SLC71A1: variants seen among roughly 807,000 people sequenced by gnomAD.
SLC71A1 encodes the protein solute carrier family 71 member 1.
the SLC71A1 span, among the ~76,000 whole-genome samples, chr1:100,051,665 T>C: frequency 1.3e-5 from 2 of 152,218 alleles, no homozygotes; most frequent in Non-Finnish European, 2.9e-5. Flanking sequence ...TTTGGGCTCA[T>C]GACTTTACAT....
At chr1:100,045,299 T>G in the SLC71A1 span, among the ~76,000 whole-genome samples, 33,476 of 152,134 alleles carry the variant, frequency 0.22, 5,084 homozygotes, top group African/African-American at 0.43. Context: ...TTCTCAGCTT[T>G]GTCGTTGCTG....
the SLC71A1 span, among the ~76,000 whole-genome samples, chr1:100,052,775 T>G: frequency 1.3e-4 from 20 of 151,508 alleles, no homozygotes; most frequent in Admixed American, 1.3e-3. Flanking sequence ...TTTCTTTTTT[T>G]TTTTATTTTG....
chr1:100,052,083 C>G, the SLC71A1 span, among the ~76,000 whole-genome samples: 1 of 152,142 alleles, frequency 6.6e-6, no homozygotes, highest in African/African-American at 2.4e-5. Flanking sequence ...CAGGTAGTAA[C>G]TTGTTTGTAC....
the SLC71A1 span, chr1:100,068,142 C>A: frequency 1.2e-6 from 2 of 1,614,148 alleles, no homozygotes; most frequent in Non-Finnish European, 1.7e-6. Flanking sequence ...TGAGAAAATG[C>A]GGCCAGCATC....
chr1:100,082,426 G>T, the SLC71A1 span: 3 of 547,682 alleles, frequency 5.5e-6, no homozygotes, highest in Non-Finnish European at 9.8e-6. Flanking sequence ...TTGTTTATTA[G>T]CACCAATTTC....
chr1:100,078,435 G>T, the SLC71A1 span: 1 of 1,548,162 alleles, frequency 6.5e-7, no homozygotes, highest in Admixed American at 1.7e-5. Context: ...TTTTTGTTTT[G>T]CTGCTCTCCT....
the SLC71A1 span, among the ~76,000 whole-genome samples, chr1:100,076,149 A>G: frequency 6.6e-6 from 1 of 152,186 alleles, no homozygotes; most frequent in Non-Finnish European, 1.5e-5. Flanking sequence ...TTGCTCAAAA[A>G]TCCTTGAATG....
the SLC71A1 span, among the ~76,000 whole-genome samples, chr1:100,048,671 T>G: frequency 6.6e-6 from 1 of 152,224 alleles, no homozygotes; most frequent in East Asian, 1.9e-4. Flanking sequence ...ACTATTTTCC[T>G]GTGCCTCCTA....
At chr1:100,070,346 G>GA in the SLC71A1 span, among the ~76,000 whole-genome samples, 3 of 152,204 alleles carry the variant, frequency 2.0e-5, no homozygotes, top group Non-Finnish European at 4.4e-5. Flanking sequence ...GCTTGTGTAA[G>GA]AAACAACAGG....
At chr1:100,078,250 C>G in the SLC71A1 span, among the ~76,000 whole-genome samples, 1 of 152,254 alleles carries the variant, frequency 6.6e-6, no homozygotes. Flanking sequence ...TACACCCTCA[C>G]AGCACTCTTG....
chr1:100,038,897 C>T, the SLC71A1 span, among the ~76,000 whole-genome samples: 2 of 152,380 alleles, frequency 1.3e-5, no homozygotes, highest in African/African-American at 4.8e-5. Flanking sequence ...GCTTCCCTCA[C>T]TTCCCGGAGT....
At chr1:100,047,698 A>G in the SLC71A1 span, among the ~76,000 whole-genome samples, 1 of 152,222 alleles carries the variant, frequency 6.6e-6, no homozygotes, top group African/African-American at 2.4e-5. Flanking sequence ...CTGGAATTAC[A>G]GGTGAGAGCC....
At chr1:100,044,019 T>G in the SLC71A1 span, among the ~76,000 whole-genome samples, 1 of 152,380 alleles carries the variant, frequency 6.6e-6, no homozygotes, top group South Asian at 2.1e-4. Flanking sequence ...AACATGCATG[T>G]ACATGTGTCT....
the SLC71A1 span, chr1:100,069,681 C>T: frequency 1.2e-6 from 2 of 1,604,602 alleles, no homozygotes; most frequent in Non-Finnish European, 1.7e-6. Flanking sequence ...TCCATTATTG[C>T]ACAGGTGAGT....
chr1:100,068,167 T>A, the SLC71A1 span: 1 of 1,613,704 alleles, frequency 6.2e-7, no homozygotes, highest in Admixed American at 1.7e-5. Flanking sequence ...GGAGCACCCA[T>A]TTCCTGGGAA....
the SLC71A1 span, among the ~76,000 whole-genome samples, chr1:100,071,536 A>G: frequency 6.6e-6 from 1 of 152,264 alleles, no homozygotes; most frequent in East Asian, 1.9e-4. Flanking sequence ...TCAAAGATTA[A>G]CCCAACCTTG....
the SLC71A1 span, chr1:100,059,817 T>C: frequency 7.0e-7 from 1 of 1,425,526 alleles, no homozygotes; most frequent in East Asian, 2.5e-5. Flanking sequence ...AGTAAAATGA[T>C]TTATTTTTGG....
chr1:100,038,888 C>T, the SLC71A1 span, among the ~76,000 whole-genome samples: 15 of 152,250 alleles, frequency 9.9e-5, no homozygotes, highest in African/African-American at 3.4e-4. Flanking sequence ...CGGAGATGGG[C>T]TTCCCTCACT....
At chr1:100,040,750 G>A in the SLC71A1 span, among the ~76,000 whole-genome samples, 2 of 152,088 alleles carry the variant, frequency 1.3e-5, no homozygotes, top group Non-Finnish European at 2.9e-5. Context: ...GTGAGCCACC[G>A]TGCCCAGACT....
Sources: allele counts gnomAD v4.1 joint callset (sites outside exome capture counted in the v4.1 genomes callset), GRCh38; gene constraint gnomAD v4.1.1; transcripts MANE v1.5; gene names NCBI Gene and HGNC (gene_info 2026-07-23, HGNC 2026-07-21).